PTPRD: variants seen among roughly 807,000 people sequenced by gnomAD.
PTPRD encodes the protein receptor-type tyrosine-protein phosphatase delta.
In PTPRD, 34 loss-of-function variants were observed where a neutral mutation model predicts 214.5. The ratio of observed to expected loss-of-function variants is 0.16; its 90% CI spans 0.12 to 0.21. PTPRD has a LOEUF of 0.21. Ranked by LOEUF, PTPRD falls within the 10% of genes least tolerant of loss-of-function variation. The pLI, the probability that PTPRD is intolerant of heterozygous loss-of-function variation, is 1.00. For missense variants in PTPRD, 2,545 were observed against 2,398.7 expected (o/e 1.06, Z -1.27); for synonymous variants, 1,128 against 845.7 (o/e 1.33, Z -5.79).
chr9:9,682,055 C>A (rs1358456463), intron 7 of PTPRD, among the ~76,000 whole-genome samples: 1 of 151,738 alleles, frequency 6.6e-6, no homozygotes, highest in East Asian at 1.9e-4. Context: ...GTTAAACTGC[C>A]AACTACATAA....
intron 4 of PTPRD, among the ~76,000 whole-genome samples, chr9:10,015,928 A>G (rs1238113882): frequency 6.6e-6 from 1 of 152,184 alleles, no homozygotes; most frequent in Non-Finnish European, 1.5e-5. Context: ...CATGTGTCCC[A>G]TAAACCTCTC....
intron 11 of PTPRD, among the ~76,000 whole-genome samples, chr9:8,746,663 A>G (rs896437487): frequency 5.3e-5 from 8 of 152,182 alleles, no homozygotes; most frequent in African/African-American, 1.7e-4. Context: ...CCATTAAACT[A>G]AAAGAAAAGA....
chr9:8,730,487 T>C (rs112867879), intron 12 of PTPRD, among the ~76,000 whole-genome samples: 4 of 152,210 alleles, frequency 2.6e-5, no homozygotes, highest in African/African-American at 9.6e-5. Context: ...CATTCAGGTT[T>C]AATTATAATG....
rs1598802635 is a variant in PTPRD at position 8,754,919 on chromosome 9, G to C, written c.-103-20973C>G. ...AGCCTTAAACAGGCAATTCACAAAA[G>C]AGATAACCCAGATGGTCACTGAACA... On this transcript the variant is annotated intron_variant, in intron 11 of 45. Coordinates refer to ENST00000381196, the MANE Select transcript of PTPRD (RefSeq NM_002839.4). 3.3e-5 allele frequency among the ~76,000 whole-genome samples: 5 copies of C among 152,022 alleles called. No homozygotes were observed. In the South Asian group the frequency reaches 1.0e-3, roughly 32 times the overall value.
chr9:9,464,251 T>C (rs1357831510), intron 8 of PTPRD, among the ~76,000 whole-genome samples: 1 of 152,102 alleles, frequency 6.6e-6, no homozygotes, highest in Non-Finnish European at 1.5e-5. Flanking sequence ...ATAGTGAACA[T>C]CGTATCCAAT....
chr9:9,753,036 T>C (rs903749208), intron 6 of PTPRD, among the ~76,000 whole-genome samples: 6 of 152,116 alleles, frequency 3.9e-5, no homozygotes, highest in Non-Finnish European at 8.8e-5. Flanking sequence ...TCACCTCTGG[T>C]GTGCTCTGCT....
At position 10,426,170 on chromosome 9, in the gene PTPRD, T is replaced by C. The variant is rs2098613144; in HGVS notation, c.-599-85153A>G. 2.0e-5 allele frequency among the ~76,000 whole-genome samples: 3 copies of C among 152,018 alleles called. No homozygotes were observed. In the South Asian group the frequency reaches 6.2e-4, roughly 31 times the overall value. ...GCATGTGAATATTGCTTTTCCTATT[T>C]TAGCTTGGTGTTATTCCTAAAATCA... On this transcript the variant is annotated intron_variant, in intron 2 of 45. Coordinates refer to ENST00000381196, the MANE Select transcript of PTPRD (RefSeq NM_002839.4).
chr9:9,681,292 C>A (rs1014374595), intron 7 of PTPRD, among the ~76,000 whole-genome samples: 2 of 151,636 alleles, frequency 1.3e-5, no homozygotes, highest in African/African-American at 4.8e-5. Flanking sequence ...TTGTTTGTCT[C>A]ATCAACTCTG....
chr9:10,292,529 A>T (rs118004098), intron 3 of PTPRD, among the ~76,000 whole-genome samples: 2,721 of 152,156 alleles, frequency 0.018, 34 homozygotes, highest in Middle Eastern at 0.048. Flanking sequence ...AAGAAGACAC[A>T]AGCTAAGTTC....
intron 22 of PTPRD, among the ~76,000 whole-genome samples, chr9:8,506,238 T>C (rs922791755): frequency 7.2e-5 from 11 of 152,196 alleles, no homozygotes; most frequent in Admixed American, 1.3e-4. Context: ...ACTGTTTCAC[T>C]TTGTGAAGAT....
In PTPRD at chr9:8,622,428, G is replaced by T. The variant is rs76356906; in HGVS notation, c.352+10889C>A. 3.7e-3 allele frequency among the ~76,000 whole-genome samples: 560 copies of T among 151,952 alleles called. 3 individuals carry two copies. The highest frequency in any genetic ancestry group is 0.013 in the African/African-American group (538 of 41,496). On this transcript the variant is annotated intron_variant, in intron 14 of 45. Transcript: ENST00000381196. ...TATTCAAGGAGACATTAGTTCTTAC[G>T]GCAAGTACTAGCTTGAAAAGGTGTA...
At position 8,760,605 on chromosome 9, in the gene PTPRD, T is replaced by A. The variant is rs950000427; in HGVS notation, c.-103-26659A>T. Among the ~76,000 whole-genome samples the A allele has an allele frequency of 2.0e-5, 3 of 151,384 alleles. No homozygotes were observed. The South Asian group carries it at 6.3e-4, about 32-fold the overall frequency. On this transcript the variant is annotated intron_variant, in intron 11 of 45. Transcript: ENST00000381196. ...CTTGCTCCCTCTCTCTGTCTGTGTG[T>A]GTGTGTGTGTGTGTGTGTGTGTGGC...
intron 7 of PTPRD, among the ~76,000 whole-genome samples, chr9:9,689,058 G>A (rs2097215907): frequency 6.6e-6 from 1 of 151,832 alleles, no homozygotes; most frequent in African/African-American, 2.4e-5. Context: ...TGAGTAAAGT[G>A]AAACTCAACT....
chr9:8,452,388 G>T (rs1368115629), intron 33 of PTPRD, among the ~76,000 whole-genome samples: 1 of 152,098 alleles, frequency 6.6e-6, no homozygotes, highest in Non-Finnish European at 1.5e-5. Context: ...TGAAGAGTTT[G>T]GTCATCATTG....
At chr9:10,022,913 C>G (rs2096851420) in intron 4 of PTPRD, among the ~76,000 whole-genome samples, 1 of 152,042 alleles carries the variant, frequency 6.6e-6, no homozygotes, top group South Asian at 2.1e-4. Context: ...TGTTTTATGC[C>G]TCAGTATTTT....
Position 9,264,931 on chromosome 9 carries a change from T to C in PTPRD, c.-202-81568A>G, listed in dbSNP as rs961947130. Among the ~76,000 whole-genome samples, 5 of 150,134 alleles carry C rather than the reference T, an allele frequency of 3.3e-5. No homozygotes were observed. The East Asian group carries it at 9.8e-4, about 29-fold the overall frequency. On this transcript the variant is annotated intron_variant, in intron 9 of 45. Coordinates refer to ENST00000381196, the MANE Select transcript of PTPRD (RefSeq NM_002839.4). The stretch of plus-strand genomic sequence containing the variant: ...AAAAAAACCCTACCAACCAAGAATA[T>C]TTTAAAGCTGTCTGTCCGTCAGAAA...
intron 3 of PTPRD, among the ~76,000 whole-genome samples, chr9:10,115,372 G>A (rs1353172196): frequency 6.6e-6 from 1 of 152,062 alleles, no homozygotes; most frequent in South Asian, 2.1e-4. Flanking sequence ...CACATTCTGA[G>A]AGTGAATTGT....
chr9:10,439,868 T>C (rs1406767911), intron 2 of PTPRD, among the ~76,000 whole-genome samples: 6 of 151,800 alleles, frequency 4.0e-5, no homozygotes, highest in African/African-American at 4.8e-5. Context: ...TCATTTACAC[T>C]GTACTGTTTA....
chr9:9,393,066 T>C (rs1047110918), intron 9 of PTPRD, among the ~76,000 whole-genome samples: 1 of 152,076 alleles, frequency 6.6e-6, no homozygotes, highest in Non-Finnish European at 1.5e-5. Context: ...GCTGAAAGTT[T>C]TTCTCTTTTT....
Sources: gnomAD v4.1 joint callset for allele counts (sites outside exome capture counted in the v4.1 genomes callset) on GRCh38, gnomAD v4.1.1 for gene constraint, MANE v1.5 for transcripts, NCBI Gene and HGNC (gene_info 2026-07-23, HGNC 2026-07-21) for gene names.